Variants in ZFAND3 observed in about 807,000 individuals in gnomAD.
ZFAND3 encodes AN1-type zinc finger protein 3.
A neutral mutation model predicts 29.6 loss-of-function variants in ZFAND3; 10 were observed. The observed-to-expected ratio is 0.34, with a 90% CI of 0.21 to 0.57. ZFAND3 has a LOEUF of 0.57. ZFAND3 is among the 20% of genes least tolerant of loss of function. The probability of loss-of-function intolerance (pLI) is 0.86; values close to 1 mark genes in which losing one functional copy is unlikely to be tolerated. For missense variants in ZFAND3, 230 were observed against 304.5 expected, an observed-to-expected ratio of 0.76 and a Z score of 1.82; for synonymous variants, 128 against 112.6, an observed-to-expected ratio of 1.14 and a Z score of -0.87.
intron 1 of ZFAND3, among the ~76,000 whole-genome samples, chr6:37,878,383 G>A (rs902506929): frequency 1.2e-4 from 18 of 152,214 alleles, no homozygotes; most frequent in African/African-American, 3.4e-4. Context: ...GGCCTTGAAC[G>A]CCCTGCTGAG....
chr6:38,135,654 AGAATCGCTG>A (rs1050590008), intron 5 of ZFAND3, among the ~76,000 whole-genome samples: 4 of 152,180 alleles, frequency 2.6e-5, no homozygotes, highest in Non-Finnish European at 5.9e-5. Context: ...CTGAGGCAGG[AGAATCGCTG>A]GAATCTGGGA....
At chr6:37,973,262 T>G (rs1296751198) in intron 2 of ZFAND3, among the ~76,000 whole-genome samples, 1 of 152,216 alleles carries the variant, frequency 6.6e-6, no homozygotes, top group Non-Finnish European at 1.5e-5. Context: ...ATTAAAAAAA[T>G]TCTATGCTCC....
intron 4 of ZFAND3, among the ~76,000 whole-genome samples, chr6:38,105,028 A>G (rs557147559): frequency 1.3e-5 from 2 of 152,238 alleles, no homozygotes; most frequent in African/African-American, 4.8e-5. Flanking sequence ...CAGTTCACTT[A>G]ACCAATGCCT....
intron 2 of ZFAND3, among the ~76,000 whole-genome samples, chr6:37,947,701 A>T (rs1761927008): frequency 6.7e-6 from 1 of 149,946 alleles, no homozygotes; most frequent in Non-Finnish European, 1.5e-5. Context: ...ATATACATAT[A>T]TTGCTGACTT....
At chr6:38,131,038 G>A (rs898068480) in intron 5 of ZFAND3, among the ~76,000 whole-genome samples, 1 of 152,088 alleles carries the variant, frequency 6.6e-6, no homozygotes, top group African/African-American at 2.4e-5. Context: ...AAGCTAGGAG[G>A]GTTGTATCTT....
chr6:38,100,141 G>A (rs1194834404), intron 4 of ZFAND3, among the ~76,000 whole-genome samples: 1 of 151,802 alleles, frequency 6.6e-6, no homozygotes, highest in Non-Finnish European at 1.5e-5. Flanking sequence ...TCGGCTCACT[G>A]CAACCTCCGC....
At chr6:37,988,209 T>C (rs558669418) in intron 2 of ZFAND3, among the ~76,000 whole-genome samples, 2 of 152,328 alleles carry the variant, frequency 1.3e-5, no homozygotes, top group Admixed American at 1.3e-4. Flanking sequence ...TATTACCCCA[T>C]TGGCCTGTGT....
At chr6:37,952,701 T>C (rs891050975) in intron 2 of ZFAND3, among the ~76,000 whole-genome samples, 2 of 152,136 alleles carry the variant, frequency 1.3e-5, no homozygotes, top group Admixed American at 1.3e-4. Flanking sequence ...AGGTCCATAG[T>C]GAGAGTGGGC....
At chr6:37,993,862 TTTTG>T (rs1234700342) in intron 2 of ZFAND3, among the ~76,000 whole-genome samples, 1 of 152,184 alleles carries the variant, frequency 6.6e-6, no homozygotes, top group Non-Finnish European at 1.5e-5. Context: ...AGTATTTTTG[TTTTG>T]TTTATTTAGC....
chr6:37,863,649 T>A (rs945711605), intron 1 of ZFAND3, among the ~76,000 whole-genome samples: 1 of 152,158 alleles, frequency 6.6e-6, no homozygotes, highest in Non-Finnish European at 1.5e-5. Context: ...AAATGGTTTC[T>A]GAAACATATT....
chr6:38,062,830 C>T (rs1764268183), intron 3 of ZFAND3, among the ~76,000 whole-genome samples: 1 of 151,542 alleles, frequency 6.6e-6, no homozygotes. Context: ...TAGTTTTTGC[C>T]TTTTAAAAGC....
chr6:37,983,382 G>A (rs1762613153), intron 2 of ZFAND3, among the ~76,000 whole-genome samples: 1 of 54,162 alleles, frequency 1.8e-5, no homozygotes, highest in African/African-American at 6.9e-5. Context: ...TTGAGATGGA[G>A]TTTTGCTCTT....
chr6:37,909,789 A>G (rs1438060644), intron 1 of ZFAND3, among the ~76,000 whole-genome samples: 7 of 152,116 alleles, frequency 4.6e-5, no homozygotes, highest in Non-Finnish European at 7.4e-5. Flanking sequence ...TTTCCTGGGA[A>G]AAGAGAATAC....
At chr6:37,967,615 G>T (rs1395045385) in intron 2 of ZFAND3, among the ~76,000 whole-genome samples, 1 of 152,152 alleles carries the variant, frequency 6.6e-6, no homozygotes, top group Non-Finnish European at 1.5e-5. Flanking sequence ...ATTGAAAATT[G>T]TGAATTAATA....
chr6:37,888,119 G>A (rs1259298999), intron 1 of ZFAND3, among the ~76,000 whole-genome samples: 1 of 152,026 alleles, frequency 6.6e-6, no homozygotes, highest in African/African-American at 2.4e-5. Flanking sequence ...TTTCTGGTAA[G>A]TACCTACGTC....
intron 2 of ZFAND3, among the ~76,000 whole-genome samples, chr6:38,029,921 A>T: frequency 6.6e-6 from 1 of 151,824 alleles, no homozygotes; most frequent in South Asian, 2.1e-4. Context: ...CATAAAGTTT[A>T]TATTTGCCTT....
intron 2 of ZFAND3, among the ~76,000 whole-genome samples, chr6:38,036,926 T>A (rs1245987589): frequency 6.6e-6 from 1 of 152,178 alleles, no homozygotes; most frequent in Non-Finnish European, 1.5e-5. Flanking sequence ...AAATACATAT[T>A]TTAAAAGGTA....
At chr6:37,906,731 C>T (rs1765415735) in intron 1 of ZFAND3, among the ~76,000 whole-genome samples, 1 of 151,288 alleles carries the variant, frequency 6.6e-6, no homozygotes, top group South Asian at 2.1e-4. Flanking sequence ...ATTTTATAGC[C>T]ACCCTAGTGT....
chr6:38,053,353 C>G (rs558164933), intron 2 of ZFAND3, among the ~76,000 whole-genome samples: 41 of 146,704 alleles, frequency 2.8e-4, no homozygotes, highest in Non-Finnish European at 4.8e-4. Flanking sequence ...GAGAGTAGAT[C>G]AGACTGAGCC....
Sources: gnomAD v4.1 joint callset for allele counts (sites outside exome capture counted in the v4.1 genomes callset) on GRCh38, gnomAD v4.1.1 for gene constraint, MANE v1.5 for transcripts, NCBI Gene and HGNC (gene_info 2026-07-23, HGNC 2026-07-21) for gene names.